The following ANXA5 variants were observed in gnomAD, a reference collection of about 807,000 sequenced individuals.
The protein encoded by ANXA5 is CBP-I.
In ANXA5, 40 loss-of-function variants were observed where a neutral mutation model predicts 48.1. The ratio of observed to expected loss-of-function variants is 0.83; its 90% CI spans 0.65 to 1.08. ANXA5 has a LOEUF of 1.08. Among genes scored for constraint, ANXA5 ranks in the 50% least tolerant of loss-of-function variants. The pLI, the probability that ANXA5 is intolerant of heterozygous loss-of-function variation, is 0.00. For synonymous variants in ANXA5, 113 were observed against 129.1 expected (o/e 0.88, Z 0.85); for missense variants, 357 against 376.8 (o/e 0.95, Z 0.44).
chr4:121,691,120 G>C (rs1476473568), intron 2 of ANXA5, among the ~76,000 whole-genome samples: 1 of 152,128 alleles, frequency 6.6e-6, no homozygotes, highest in Non-Finnish European at 1.5e-5. Context: ...CCCATCCTCA[G>C]TTCATCCTCA....
In ANXA5 at chr4:121,678,499, A is replaced by C. The variant is rs1395130736; in HGVS notation, c.395-5T>G. On this transcript the variant is annotated splice_region_variant and splice_polypyrimidine_tract_variant and intron_variant, in intron 6 of 12. Coordinates refer to ENST00000296511, the MANE Select transcript of ANXA5 (RefSeq NM_001154.4). ...CTTCCAGGCTTGAGCCATATTCTGC[A>C]ACAAAATAATTTCATACTTATTTAC... The C allele has an allele frequency of 6.2e-7, 1 of 1,611,708 alleles. No homozygotes were observed. Among genetic ancestry groups the C allele is most frequent in the Non-Finnish European group, 8.5e-7 (1 of 1,178,668 alleles).
At chr4:121,672,018 A>G in intron 9 of ANXA5, among the ~76,000 whole-genome samples, 1 of 152,240 alleles carries the variant, frequency 6.6e-6, no homozygotes, top group East Asian at 1.9e-4. Context: ...TAATGAAGAA[A>G]GAAAACCAAA....
intron 2 of ANXA5, among the ~76,000 whole-genome samples, chr4:121,686,973 C>G (rs1380300319): frequency 6.6e-6 from 1 of 152,176 alleles, no homozygotes; most frequent in African/African-American, 2.4e-5. Flanking sequence ...TATATATACA[C>G]TGCTTTTAAT....
Position 121,684,153 on chromosome 4 carries a change from T to A in ANXA5, c.189+524A>T, listed in dbSNP as rs535091243. Among the ~76,000 whole-genome samples, 14 of 152,266 alleles carry A rather than the reference T, an allele frequency of 9.2e-5. No individual in the cohort carries two copies. In the South Asian group the frequency reaches 2.9e-3, roughly 32 times the overall value. ...CGTTTTCAGAATAACAAGACTACAT[T>A]TAAGTTTTCCATGCATGCACTAATT... On this transcript the variant is annotated intron_variant, in intron 4 of 12. Transcript: ENST00000296511.
rs761349302 is a variant in ANXA5 at position 121,678,501 on chromosome 4, CA to C, written c.395-8del. ...TCCAGGCTTGAGCCATATTCTGCAA[CA>C]AAATAATTTCATACTTATTTACATC... On this transcript the variant is annotated splice_region_variant and splice_polypyrimidine_tract_variant and intron_variant, in intron 6 of 12. Coordinates refer to ENST00000296511, the MANE Select transcript of ANXA5 (RefSeq NM_001154.4). The C allele has an allele frequency of 8.1e-6, 13 of 1,610,902 alleles. No homozygotes were observed. The highest frequency in any genetic ancestry group is 1.0e-5 in the Non-Finnish European group (12 of 1,178,004).
chr4:121,687,070 G>T (rs10034288), intron 2 of ANXA5, among the ~76,000 whole-genome samples: 27,873 of 152,112 alleles, frequency 0.18, 2,924 homozygotes, highest in Non-Finnish European at 0.24. Flanking sequence ...ACTTTGGGAG[G>T]CTGAGGCAGG....
intron 8 of ANXA5, among the ~76,000 whole-genome samples, chr4:121,675,686 G>A (rs895571384): frequency 6.6e-6 from 1 of 152,200 alleles, no homozygotes; most frequent in Non-Finnish European, 1.5e-5. Context: ...TCCACTGCAT[G>A]ACACGTAAGT....
intron 2 of ANXA5, among the ~76,000 whole-genome samples, chr4:121,689,280 G>T (rs1479374377): frequency 6.6e-6 from 1 of 152,204 alleles, no homozygotes; most frequent in Non-Finnish European, 1.5e-5. Flanking sequence ...ACTTAGGACT[G>T]AATGCCCCTT....
chr4:121,674,161 C>T (rs1392056931), intron 8 of ANXA5, among the ~76,000 whole-genome samples: 3 of 125,856 alleles, frequency 2.4e-5, no homozygotes, highest in Non-Finnish European at 4.9e-5. Flanking sequence ...AGCCTGGGCA[C>T]GAAGGAAAGG....
rs113588187 is a variant in ANXA5, at chr4:121,696,962, C to T, written c.-135G>A. ...GCCGAGATGCAGACGCTGAAGGATC[C>T]GGCAGCTGCACCTAGACTGATCCAA... On this transcript the variant is annotated 5_prime_UTR_variant, in exon 1 of 13. Transcript: ENST00000296511. 0.13 allele frequency: 23,256 copies of T among 180,722 alleles called. 1,638 individuals carry two copies. The highest frequency in any genetic ancestry group is 0.18 in the African/African-American group (7,563 of 42,530). 11.2% of individuals were successfully genotyped at this position (180,722 alleles called of 1,614,324 possible).
chr4:121,672,738 G>A (rs568239590), intron 8 of ANXA5, 112 bp from the exon 9 acceptor site: 1 of 737,662 alleles, frequency 1.4e-6, no homozygotes, highest in Non-Finnish European at 2.3e-6. Flanking sequence ...TCATCATCTT[G>A]TATTAATAGT....
intron 5 of ANXA5, among the ~76,000 whole-genome samples, chr4:121,682,478 G>C (rs181782989): frequency 1.3e-5 from 2 of 151,470 alleles, no homozygotes; most frequent in East Asian, 3.9e-4. Context: ...TCTATTTTTT[G>C]CCAAAAATCA....
intron 10 of ANXA5, among the ~76,000 whole-genome samples, chr4:121,670,800 A>C (rs1455304565): frequency 6.6e-6 from 1 of 152,158 alleles, no homozygotes; most frequent in Non-Finnish European, 1.5e-5. Context: ...AAGTACATTA[A>C]CTGTGTACTC....
chr4:121,695,484 C>G (rs764198538), intron 2 of ANXA5, among the ~76,000 whole-genome samples: 1 of 152,142 alleles, frequency 6.6e-6, no homozygotes, highest in Non-Finnish European at 1.5e-5. Context: ...TCTGACAAGC[C>G]GGTTAGATTG....
intron 6 of ANXA5, among the ~76,000 whole-genome samples, chr4:121,680,564 C>T (rs984760282): frequency 1.3e-5 from 2 of 152,262 alleles, no homozygotes; most frequent in African/African-American, 4.8e-5. Context: ...TTATGCACAC[C>T]TTTTGTCACT....
intron 2 of ANXA5, 82 bp downstream of exon 2, chr4:121,696,499 C>G: frequency 7.9e-7 from 1 of 1,268,240 alleles, no homozygotes; most frequent in Non-Finnish European, 1.0e-6. Context: ...CTTTTTGGCT[C>G]TCAGACAAAT....
intron 9 of ANXA5, among the ~76,000 whole-genome samples, chr4:121,672,328 A>C (rs1724626405): frequency 6.6e-6 from 1 of 152,194 alleles, no homozygotes; most frequent in Non-Finnish European, 1.5e-5. Flanking sequence ...CCAATAGTGA[A>C]GGGTGGACTC....
intron 12 of ANXA5, among the ~76,000 whole-genome samples, chr4:121,668,799 A>G (rs557794261): frequency 6.6e-6 from 1 of 152,184 alleles, no homozygotes; most frequent in African/African-American, 2.4e-5. Flanking sequence ...ATCACTTGGT[A>G]TATATCAGCT....
intron 6 of ANXA5, among the ~76,000 whole-genome samples, chr4:121,680,257 GTGTGTGTGTCTGTGTT>G (rs1724767840): frequency 6.6e-6 from 1 of 152,046 alleles, no homozygotes; most frequent in South Asian, 2.1e-4. Context: ...GTACTCCTGT[GTGTGTGTGTCTGTGTT>G]TGTGTGTGTG....
Sources: gnomAD v4.1 joint callset for allele counts (sites outside exome capture counted in the v4.1 genomes callset) on GRCh38, gnomAD v4.1.1 for gene constraint, MANE v1.5 for transcripts, NCBI Gene and HGNC (gene_info 2026-07-23, HGNC 2026-07-21) for gene names.